FAM13A: variants seen among roughly 807,000 people sequenced by gnomAD.
FAM13A encodes family with sequence similarity 13 member A.
A neutral mutation model predicts 129.6 loss-of-function variants in FAM13A; 76 were observed. The ratio of observed to expected loss-of-function variants is 0.59; its 90% confidence interval spans 0.49 to 0.71. FAM13A has a LOEUF of 0.71. FAM13A is among the 30% of genes least tolerant of loss of function. The pLI is 0.00. For synonymous variants in FAM13A, 443 were observed against 449.9 expected, an observed-to-expected ratio of 0.98 and a Z score of 0.20; for missense variants, 1,108 against 1,249.3, an observed-to-expected ratio of 0.89 and a Z score of 1.70.
chr4:88,906,380 T>C lies in FAM13A; in HGVS notation c.842A>G (p.Lys281Arg). The stretch of plus-strand genomic sequence containing the variant: ...GCCTACAGAGAAAACATAGTTTACC[T>C]TGGTTTTTGGAGGTGGTTTTGGCAT... ...RDMPKPPPKT[K>R]IPKSRSEGSI... Residue 281 changes from lysine to arginine, a missense_variant and splice_region_variant, in exon 6 of 24, where the codon AAG becomes AGG. Around this residue, in one of 3 missense-constraint regions of FAM13A, gnomAD observed 566 missense variants for 595.7 expected, o/e 0.95. Coordinates refer to ENST00000264344, the MANE Select transcript of FAM13A (RefSeq NM_014883.4). 6.2e-7 allele frequency: 1 copy of C among 1,602,002 alleles called. No homozygotes were observed. Among genetic ancestry groups the C allele is most frequent in the Non-Finnish European group, 8.5e-7 (1 of 1,170,114 alleles).
At position 89,057,003 on chromosome 4, in the gene FAM13A, A is replaced by G. The variant is rs751255076; in HGVS notation, c.-39T>C. On this transcript the variant is annotated 5_prime_UTR_variant, in exon 1 of 24. Coordinates refer to ENST00000264344, the MANE Select transcript of FAM13A (RefSeq NM_014883.4). ...GTCTGGAAGAACTGAGGAAGACCAG[A>G]CGAAAATATTAAAACGACAGCAAAA... 3.7e-6 allele frequency: 6 copies of G among 1,610,440 alleles called. No homozygotes were observed. In the Admixed American group the frequency reaches 8.5e-5, roughly 23 times the overall value.
intron 3 of FAM13A, among the ~76,000 whole-genome samples, chr4:88,992,425 C>T (rs1763033020): frequency 6.6e-6 from 1 of 152,060 alleles, no homozygotes; most frequent in Admixed American, 6.6e-5. Context: ...TGCACACCAC[C>T]ATGCCCGGCT....
intron 16 of FAM13A, among the ~76,000 whole-genome samples, chr4:88,749,266 A>G (rs1223173626): frequency 6.6e-6 from 1 of 152,182 alleles, no homozygotes; most frequent in East Asian, 1.9e-4. Context: ...CATCTTTATG[A>G]TCAGTGACTT....
intron 10 of FAM13A, among the ~76,000 whole-genome samples, chr4:88,786,985 C>T (rs1325464730): frequency 2.0e-5 from 3 of 151,686 alleles, no homozygotes; most frequent in Non-Finnish European, 4.4e-5. Context: ...CATAAAGAGG[C>T]TAAAGGCCAT....
chr4:89,027,046 C>A (rs188854131), intron 2 of FAM13A, among the ~76,000 whole-genome samples: 5 of 152,268 alleles, frequency 3.3e-5, no homozygotes, highest in African/African-American at 9.6e-5. Flanking sequence ...TTACAGTAGA[C>A]CCACCTTACC....
chr4:88,848,321 TG>T lies in FAM13A; in HGVS notation c.1007+2698del, dbSNP rs147165499. Among the ~76,000 whole-genome samples, 714 of 152,360 alleles carry T rather than the reference TG, an allele frequency of 4.7e-3. 5 individuals are homozygous for T. Among genetic ancestry groups the T allele is most frequent in the East Asian group, 0.022 (112 of 5,192 alleles). On this transcript the variant is annotated intron_variant, in intron 7 of 23. Coordinates refer to ENST00000264344, the MANE Select transcript of FAM13A (RefSeq NM_014883.4). The stretch of plus-strand genomic sequence containing the variant: ...ACACAAGATATGGCCAGCTGGTCTC[TG>T]GATTCCCTCCTGTAGGTCCTTGTTC...
At chr4:88,857,587 C>A (rs1238549381) in intron 6 of FAM13A, among the ~76,000 whole-genome samples, 1 of 149,542 alleles carries the variant, frequency 6.7e-6, no homozygotes, top group East Asian at 2.0e-4. Flanking sequence ...GAAGATTGTG[C>A]CACTGCACTC....
At chr4:88,969,440 T>C (rs1030181869) in intron 4 of FAM13A, among the ~76,000 whole-genome samples, 4 of 152,068 alleles carry the variant, frequency 2.6e-5, no homozygotes, top group Admixed American at 6.6e-5. Flanking sequence ...CTCTAAAAGA[T>C]GGCTACCAGA....
chr4:88,779,165 C>T (rs961359918), intron 11 of FAM13A, among the ~76,000 whole-genome samples: 11 of 152,154 alleles, frequency 7.2e-5, no homozygotes, highest in Admixed American at 7.2e-4. Flanking sequence ...GAATTGTTAC[C>T]TGTTTTTCTC....
chr4:88,930,465 G>A (rs1229571719), intron 5 of FAM13A, among the ~76,000 whole-genome samples: 1 of 152,144 alleles, frequency 6.6e-6, no homozygotes, highest in Non-Finnish European at 1.5e-5. Flanking sequence ...AGGGTCAGTG[G>A]TATCTGTGAT....
At chr4:88,927,415 C>G (rs1450939265) in intron 5 of FAM13A, among the ~76,000 whole-genome samples, 1 of 148,528 alleles carries the variant, frequency 6.7e-6, no homozygotes, top group Non-Finnish European at 1.5e-5. Flanking sequence ...TTGACTTACT[C>G]TACTCCAATT....
intron 5 of FAM13A, among the ~76,000 whole-genome samples, chr4:88,928,407 T>A (rs1038990792): frequency 2.6e-5 from 4 of 152,278 alleles, no homozygotes; most frequent in African/African-American, 9.6e-5. Flanking sequence ...TCTGTCTCAA[T>A]GATCTGTCTA....
intron 4 of FAM13A, among the ~76,000 whole-genome samples, chr4:88,957,506 T>A (rs1014681538): frequency 5.3e-5 from 8 of 152,052 alleles, no homozygotes; most frequent in Non-Finnish European, 1.0e-4. Context: ...AATTACCGAG[T>A]CTCGGATATT....
chr4:89,051,381 G>A (rs1771574365), intron 1 of FAM13A, among the ~76,000 whole-genome samples: 1 of 152,038 alleles, frequency 6.6e-6, no homozygotes, highest in African/African-American at 2.4e-5. Flanking sequence ...TGACCTAATC[G>A]CCTCCCAAAG....
chr4:89,020,783 A>G, intron 2 of FAM13A, 114 bp from the exon 3 acceptor site: 1 of 686,426 alleles, frequency 1.5e-6, no homozygotes, highest in Non-Finnish European at 2.5e-6. Flanking sequence ...TCAACACTGT[A>G]ATTATCAATC....
At chr4:88,800,710 G>GA (rs527627636) in intron 8 of FAM13A, among the ~76,000 whole-genome samples, 1,754 of 129,754 alleles carry the variant, frequency 0.014, 35 homozygotes, top group South Asian at 0.091. Flanking sequence ...AAAAAAAAAA[G>GA]AAAAAAAAAA....
At chr4:89,018,724 A>C (rs1184821485) in intron 3 of FAM13A, among the ~76,000 whole-genome samples, 3 of 152,240 alleles carry the variant, frequency 2.0e-5, no homozygotes, top group Non-Finnish European at 4.4e-5. Context: ...GTTGCTAGAG[A>C]AATATAATGC....
At chr4:88,762,244 G>A (rs79362726) in intron 13 of FAM13A, among the ~76,000 whole-genome samples, 286 of 152,326 alleles carry the variant, frequency 1.9e-3, no homozygotes, top group Admixed American at 3.0e-3. Context: ...ACCATAAACA[G>A]AGGATGAGGA....
At chr4:88,961,955 T>C (rs1043683732) in intron 4 of FAM13A, among the ~76,000 whole-genome samples, 1 of 151,778 alleles carries the variant, frequency 6.6e-6, no homozygotes, top group African/African-American at 2.4e-5. Flanking sequence ...ATAAAAATTA[T>C]AAAAACGATT....
Sources: gnomAD v4.1 joint callset for allele counts (sites outside exome capture counted in the v4.1 genomes callset) on GRCh38, gnomAD v4.1.1 for gene constraint, gnomAD v4.1.1 regional missense constraint, MANE v1.5 for transcripts, NCBI Gene and HGNC (gene_info 2026-07-23, HGNC 2026-07-21) for gene names.